The following TTC28 variants were observed in gnomAD, a reference collection of about 807,000 sequenced individuals.
The protein encoded by TTC28 is tetratricopeptide repeat domain 28.
Under a neutral mutation model 198.0 loss-of-function variants are expected in TTC28, and 61 were observed. The observed-to-expected ratio is 0.31, with a 90% CI of 0.25 to 0.38. The LOEUF (loss-of-function observed/expected upper bound fraction) is 0.38. Among genes scored for constraint, TTC28 ranks in the 10% least tolerant of loss-of-function variants. The probability of loss-of-function intolerance (pLI) is 1.00; values close to 1 mark genes in which losing one functional copy is unlikely to be tolerated. For synonymous variants in TTC28, 1,171 were observed against 1,297.8 expected, an observed-to-expected ratio of 0.90 and a Z score of 2.10; for missense variants, 2,678 against 3,164.0, an observed-to-expected ratio of 0.85 and a Z score of 3.69.
chr22:28,360,295 T>C (rs1394745960), intron 2 of TTC28, among the ~76,000 whole-genome samples: 1 of 152,202 alleles, frequency 6.6e-6, no homozygotes, highest in Non-Finnish European at 1.5e-5. Context: ...AGAATCCTGC[T>C]CACTTAACTA....
chr22:28,158,591 A>T (rs1388293274), intron 6 of TTC28, among the ~76,000 whole-genome samples: 5 of 152,204 alleles, frequency 3.3e-5, no homozygotes, highest in Non-Finnish European at 7.3e-5. Flanking sequence ...CAGAATAGAG[A>T]ACCCAGAAAC....
At chr22:28,296,176 G>T in intron 5 of TTC28, 22 bp downstream of exon 5, 2 of 1,526,630 alleles carry the variant, frequency 1.3e-6, no homozygotes, top group South Asian at 1.3e-5. Flanking sequence ...AAATGTTTTT[G>T]GTCTGCAGAT....
chr22:28,034,911 C>T (rs551757934), intron 12 of TTC28, among the ~76,000 whole-genome samples: 1 of 152,060 alleles, frequency 6.6e-6, no homozygotes, highest in Admixed American at 6.5e-5. Context: ...GAGGCAGGCT[C>T]CAAAATGCTG....
rs141489862 is a variant in TTC28, at chr22:28,158,057, G to A, written c.1441+5035C>T. Among the ~76,000 whole-genome samples the A allele has an allele frequency of 5.9e-5, 9 of 151,850 alleles. No individual in the cohort carries two copies. The East Asian group carries it at 1.7e-3, about 29-fold the overall frequency. On this transcript the variant is annotated intron_variant, in intron 6 of 22. Transcript: ENST00000397906. Reference sequence around the variant, plus strand: ...AAAAAAAACCACTAGAACTGATAAAGTCCACAAAGTTGCAGGATACAAAAT... The same window carrying A: ...AAAAAAAACCACTAGAACTGATAAAATCCACAAAGTTGCAGGATACAAAAT...
chr22:28,192,155 C>T (rs540531907), intron 5 of TTC28, among the ~76,000 whole-genome samples: 6 of 152,280 alleles, frequency 3.9e-5, no homozygotes, highest in East Asian at 1.9e-4. Context: ...CTGCAGCCTC[C>T]GCTGCTGATA....
intron 9 of TTC28, among the ~76,000 whole-genome samples, chr22:28,100,720 A>G (rs1942117701): frequency 6.6e-6 from 1 of 152,308 alleles, no homozygotes; most frequent in African/African-American, 2.4e-5. Flanking sequence ...GAGGAGGCCT[A>G]TAACTCGAGG....
chr22:28,125,068 C>A (rs1266812367), intron 6 of TTC28, among the ~76,000 whole-genome samples: 1 of 152,154 alleles, frequency 6.6e-6, no homozygotes, highest in Non-Finnish European at 1.5e-5. Context: ...TTACATATAC[C>A]TTTCCTCCAA....
chr22:28,137,969 C>T (rs1399000047), intron 6 of TTC28, among the ~76,000 whole-genome samples: 1 of 152,018 alleles, frequency 6.6e-6, no homozygotes, highest in African/African-American at 2.4e-5. Flanking sequence ...GAGCCGAGAT[C>T]GCGCCACTGC....
chr22:28,272,324 C>T lies in TTC28; in HGVS notation c.933+23874G>A, dbSNP rs118139470. ...GCTGGTTAGACATGGTTTATGACCT[C>T]GGGAAGTGAGTAGAAGATACAAATA... On this transcript the variant is annotated intron_variant, in intron 5 of 22. Transcript: ENST00000397906. 6.5e-3 allele frequency among the ~76,000 whole-genome samples: 982 copies of T among 152,204 alleles called. 6 individuals are homozygous for T. Among genetic ancestry groups the T allele is most frequent in the Middle Eastern group, 0.01 (3 of 294 alleles).
chr22:28,210,629 T>C (rs1926849024), intron 5 of TTC28, among the ~76,000 whole-genome samples: 1 of 152,034 alleles, frequency 6.6e-6, no homozygotes, highest in Non-Finnish European at 1.5e-5. Context: ...CCAAGAAATA[T>C]GGGACTATGA....
At chr22:28,530,856 T>G (rs1014708705) in intron 2 of TTC28, among the ~76,000 whole-genome samples, 33 of 152,240 alleles carry the variant, frequency 2.2e-4, no homozygotes, top group Non-Finnish European at 4.1e-4. Context: ...GACAAGCAAA[T>G]GCTGAGAGAT....
At chr22:28,265,598 G>A (rs1178538964) in intron 5 of TTC28, among the ~76,000 whole-genome samples, 1 of 152,112 alleles carries the variant, frequency 6.6e-6, no homozygotes, top group Non-Finnish European at 1.5e-5. Flanking sequence ...ATGACCAGCA[G>A]CAACTATTCA....
At chr22:28,072,623 C>T (rs1941034302) in intron 12 of TTC28, among the ~76,000 whole-genome samples, 1 of 152,182 alleles carries the variant, frequency 6.6e-6, no homozygotes. Flanking sequence ...ATTTTTGGCT[C>T]TTACCCCCCT....
intron 2 of TTC28, among the ~76,000 whole-genome samples, chr22:28,532,919 G>C (rs965069775): frequency 6.6e-6 from 1 of 152,106 alleles, no homozygotes; most frequent in Non-Finnish European, 1.5e-5. Context: ...AAAATCATAA[G>C]AGCTATTTAT....
intron 2 of TTC28, among the ~76,000 whole-genome samples, chr22:28,328,697 A>G (rs1009782988): frequency 1.3e-5 from 2 of 150,648 alleles, no homozygotes; most frequent in African/African-American, 2.4e-5. Flanking sequence ...GAGGTTGCAG[A>G]GAGCCAAGAT....
intron 5 of TTC28, among the ~76,000 whole-genome samples, chr22:28,215,351 G>T (rs1927304405): frequency 6.6e-6 from 1 of 152,138 alleles, no homozygotes. Flanking sequence ...GAGTTTCCAT[G>T]CTCATTCACT....
At chr22:28,168,515 C>T (rs1349996818) in intron 5 of TTC28, among the ~76,000 whole-genome samples, 4 of 152,056 alleles carry the variant, frequency 2.6e-5, no homozygotes, top group Non-Finnish European at 5.9e-5. Context: ...AGAAATAATG[C>T]CGCATATCTA....
intron 12 of TTC28, among the ~76,000 whole-genome samples, chr22:28,038,837 A>G (rs1939477942): frequency 1.3e-5 from 2 of 152,120 alleles, no homozygotes; most frequent in Admixed American, 1.3e-4. Context: ...ATAACAAACA[A>G]CCCCATCAAA....
At chr22:28,656,777 G>A (rs2051663348) in intron 1 of TTC28, among the ~76,000 whole-genome samples, 1 of 152,064 alleles carries the variant, frequency 6.6e-6, no homozygotes, top group Admixed American at 6.6e-5. Context: ...GTGGAGAGAG[G>A]GGGGAAGGAT....
Sources: gnomAD v4.1 joint callset for allele counts (sites outside exome capture counted in the v4.1 genomes callset) on GRCh38, gnomAD v4.1.1 for gene constraint, MANE v1.5 for transcripts, NCBI Gene and HGNC (gene_info 2026-07-23, HGNC 2026-07-21) for gene names.